LIN54: variants seen among roughly 807,000 people sequenced by gnomAD.
LIN54 encodes the protein protein lin-54 homolog.
Under a neutral mutation model 78.7 loss-of-function variants are expected in LIN54, and 9 were observed. The ratio of observed to expected loss-of-function variants is 0.11; its 90% CI spans 0.07 to 0.20. The LOEUF is 0.20. Among genes scored for constraint, LIN54 ranks in the 10% least tolerant of loss-of-function variants. The pLI, the probability that LIN54 is intolerant of heterozygous loss-of-function variation, is 1.00. For missense variants in LIN54, 573 were observed against 889.9 expected, an observed-to-expected ratio of 0.64 and a Z score of 4.53; for synonymous variants, 269 against 318.4, an observed-to-expected ratio of 0.84 and a Z score of 1.65.
chr4:82,952,827 C>T (rs1723951064), intron 4 of LIN54, among the ~76,000 whole-genome samples: 2 of 152,032 alleles, frequency 1.3e-5, no homozygotes, highest in Admixed American at 1.3e-4. Flanking sequence ...CACCAATGGA[C>T]CTTCAGGACC....
chr4:82,995,086 T>A (rs1177407980), intron 1 of LIN54, among the ~76,000 whole-genome samples: 1 of 151,754 alleles, frequency 6.6e-6, no homozygotes, highest in Non-Finnish European at 1.5e-5. Context: ...AGTCCAGGAG[T>A]TGGAGACCAG....
At chr4:83,000,234 A>C (rs1260160242) in intron 1 of LIN54, among the ~76,000 whole-genome samples, 1 of 152,150 alleles carries the variant, frequency 6.6e-6, no homozygotes, top group Non-Finnish European at 1.5e-5. Context: ...CTTATTCTGG[A>C]AAAGAATGCC....
At chr4:82,950,479 T>G (rs1253841879) in intron 4 of LIN54, among the ~76,000 whole-genome samples, 2 of 152,248 alleles carry the variant, frequency 1.3e-5, no homozygotes, top group Non-Finnish European at 2.9e-5. Context: ...AATTGGCCCC[T>G]TTCTTCAATT....
At chr4:82,980,388 C>A (rs1365986121) in intron 2 of LIN54, among the ~76,000 whole-genome samples, 2 of 152,030 alleles carry the variant, frequency 1.3e-5, no homozygotes, top group Non-Finnish European at 2.9e-5. Flanking sequence ...ATATGACCAA[C>A]ATGAATAACA....
intron 2 of LIN54, among the ~76,000 whole-genome samples, chr4:82,982,835 C>T (rs1726784311): frequency 6.6e-6 from 1 of 152,160 alleles, no homozygotes; most frequent in Non-Finnish European, 1.5e-5. Flanking sequence ...TCTAATTCTA[C>T]TGTCAAAACA....
intron 5 of LIN54, among the ~76,000 whole-genome samples, chr4:82,941,360 T>G (rs957521999): frequency 6.6e-6 from 1 of 151,930 alleles, no homozygotes; most frequent in Admixed American, 6.6e-5. Context: ...CAAATGTTGG[T>G]GAACAAACCA....
intron 11 of LIN54, among the ~76,000 whole-genome samples, chr4:82,934,188 C>T (rs917709641): frequency 3.9e-5 from 6 of 152,154 alleles, no homozygotes; most frequent in Non-Finnish European, 8.8e-5. Context: ...GGGCGGATCA[C>T]TTGAGTTTGA....
rs187467951 is a variant in LIN54, at chr4:82,941,688, G to A, written c.1169-1726C>T. 7.6e-3 allele frequency among the ~76,000 whole-genome samples: 1,163 copies of A among 152,276 alleles called. 12 individuals carry two copies. Among genetic ancestry groups the A allele is most frequent in the Non-Finnish European group, 8.6e-3 (583 of 68,016 alleles). On this transcript the variant is annotated intron_variant, in intron 5 of 12. Transcript: ENST00000340417. ...TGGGAATAAAAAAGAGAGAGCAGAT[G>A]CAAGAGACCTGGTGTAGGTGAAAGG...
rs534990865 is a variant in LIN54 at position 82,925,164 on chromosome 4, C to G, written c.*2938G>C. 2.2e-3 allele frequency: 332 copies of G among 152,592 alleles called. 1 individual carries two copies. The highest frequency in any genetic ancestry group is 4.2e-3 in the Non-Finnish European group (286 of 67,990). The allele number at this position is 152,592 out of a possible 1,614,324, so 9.5% of individuals were successfully genotyped here. A position where few individuals can be genotyped will look rare whatever the true frequency, so the allele number is the denominator to read the frequency against. ...AAAAAAAGGAAACTAAGAAAGATAGCTATCATAAGAACATTTCACATTAAA... is the reference window on the plus strand; with the variant it reads ...AAAAAAAGGAAACTAAGAAAGATAGGTATCATAAGAACATTTCACATTAAA... On this transcript the variant is annotated 3_prime_UTR_variant, in exon 13 of 13. Transcript: ENST00000340417.
intron 1 of LIN54, among the ~76,000 whole-genome samples, chr4:83,000,565 TC>T (rs1364363530): frequency 6.6e-6 from 1 of 152,124 alleles, no homozygotes; most frequent in African/African-American, 2.4e-5. Flanking sequence ...TGGACAATGC[TC>T]CCAGCCACTC....
intron 4 of LIN54, among the ~76,000 whole-genome samples, chr4:82,947,091 T>C (rs1015177752): frequency 3.3e-5 from 5 of 150,578 alleles, no homozygotes; most frequent in African/African-American, 1.2e-4. Flanking sequence ...GGCATAATAC[T>C]CCCTAGGTAT....
chr4:83,002,450 A>T (rs1578662926), intron 1 of LIN54, among the ~76,000 whole-genome samples: 1 of 101,350 alleles, frequency 9.9e-6, no homozygotes, highest in Admixed American at 1.3e-4. Flanking sequence ...GGAGGAGGGG[A>T]GGGAAGGAGG....
At chr4:82,987,209 T>C (rs1333079336) in intron 1 of LIN54, among the ~76,000 whole-genome samples, 1 of 152,208 alleles carries the variant, frequency 6.6e-6, no homozygotes, top group Non-Finnish European at 1.5e-5. Context: ...AATAATCGCT[T>C]GAAGCCGGGA....
intron 1 of LIN54, among the ~76,000 whole-genome samples, chr4:82,987,480 C>T (rs1347470623): frequency 1.3e-5 from 2 of 152,122 alleles, no homozygotes; most frequent in Admixed American, 1.3e-4. Context: ...ATACGTGTGC[C>T]ATGGTGGTTT....
chr4:82,963,830 A>T (rs1461214891), intron 4 of LIN54, among the ~76,000 whole-genome samples: 1 of 152,200 alleles, frequency 6.6e-6, no homozygotes, highest in East Asian at 1.9e-4. Context: ...AAGGTGCAAG[A>T]TTTAAATCCA....
chr4:83,007,709 G>A (rs970210618), intron 1 of LIN54, among the ~76,000 whole-genome samples: 6 of 151,982 alleles, frequency 3.9e-5, no homozygotes, highest in Admixed American at 6.6e-5. Context: ...CCAACATGGT[G>A]AAACCCTGTC....
chr4:83,001,474 C>T (rs1044473471), intron 1 of LIN54, among the ~76,000 whole-genome samples: 6 of 152,086 alleles, frequency 3.9e-5, no homozygotes, highest in South Asian at 2.1e-4. Flanking sequence ...CACTTGAGCC[C>T]AGGAGGTCAA....
intron 4 of LIN54, among the ~76,000 whole-genome samples, chr4:82,950,174 C>T (rs897260241): frequency 5.3e-5 from 8 of 152,224 alleles, no homozygotes; most frequent in South Asian, 4.1e-4. Flanking sequence ...GATCATATTC[C>T]GATTTCACCA....
intron 1 of LIN54, among the ~76,000 whole-genome samples, chr4:82,998,706 A>AT (rs1253320639): frequency 1.8e-4 from 27 of 151,932 alleles, no homozygotes; most frequent in Non-Finnish European, 3.1e-4. Flanking sequence ...ACTTACACGC[A>AT]TTTTTTTTCC....
Sources: gnomAD v4.1 joint callset for allele counts (sites outside exome capture counted in the v4.1 genomes callset) on GRCh38, gnomAD v4.1.1 for gene constraint, MANE v1.5 for transcripts, NCBI Gene and HGNC (gene_info 2026-07-23, HGNC 2026-07-21) for gene names.